Variants in ALX3 observed in about 807,000 individuals in gnomAD.
The protein encoded by ALX3 is homeobox protein aristaless-like 3.
A neutral mutation model predicts 26.3 loss-of-function variants in ALX3; 17 were observed. The ratio of observed to expected loss-of-function variants is 0.65; its 90% CI spans 0.44 to 0.97. The LOEUF (loss-of-function observed/expected upper bound fraction) is 0.97, where lower values mean the gene tolerates loss of function less well. Among genes scored for constraint, ALX3 ranks in the 50% least tolerant of loss-of-function variants. The pLI, the probability that ALX3 is intolerant of heterozygous loss-of-function variation, is 0.00. For missense variants in ALX3, 461 were observed against 466.5 expected (o/e 0.99, Z 0.11); for synonymous variants, 208 against 201.4 (o/e 1.03, Z -0.28).
In ALX3 at chr1:110,061,584, T is replaced by C. The variant is rs201353439; in HGVS notation, c.595-21A>G. 5.0e-6 allele frequency: 8 copies of C among 1,613,132 alleles called. No homozygotes were observed. In the Admixed American group the frequency reaches 6.7e-5, roughly 13 times the overall value. On this transcript the variant is annotated intron_variant, in intron 2 of 3. Coordinates refer to ENST00000647563, the MANE Select transcript of ALX3 (RefSeq NM_006492.3). ...CAGACCTGGGGGCAGGTTGTGGGGG[T>C]TTGAGGGGGTGATAGGGCAGCCCTG...
chr1:110,069,246 T>C (rs1044416625), intron 1 of ALX3, among the ~76,000 whole-genome samples: 3 of 152,304 alleles, frequency 2.0e-5, no homozygotes, highest in African/African-American at 7.2e-5. Context: ...CGCCCTCCCC[T>C]ACACATTCCC....
intron 1 of ALX3, among the ~76,000 whole-genome samples, chr1:110,069,650 G>A (rs1228848538): frequency 6.6e-6 from 1 of 152,258 alleles, no homozygotes; most frequent in Non-Finnish European, 1.5e-5. Flanking sequence ...TGCCAGAAGG[G>A]CGGCTATCAT....
chr1:110,068,693 T>C (rs1376505024), intron 1 of ALX3, among the ~76,000 whole-genome samples: 1 of 152,228 alleles, frequency 6.6e-6, no homozygotes, highest in African/African-American at 2.4e-5. Context: ...TTTTATTCGT[T>C]CGTTCCTCAT....
intron 1 of ALX3, among the ~76,000 whole-genome samples, chr1:110,069,986 G>C (rs1653878809): frequency 6.6e-6 from 1 of 152,178 alleles, no homozygotes; most frequent in African/African-American, 2.4e-5. Context: ...CTTCAGGGTA[G>C]GTGGCAGTTC....
intron 1 of ALX3, among the ~76,000 whole-genome samples, chr1:110,067,462 G>A (rs909322413): frequency 6.6e-6 from 1 of 152,206 alleles, no homozygotes; most frequent in Non-Finnish European, 1.5e-5. Flanking sequence ...GCCTTTTAAC[G>A]TAGTAAAGGA....
chr1:110,063,451 G>T (rs1653702049), intron 2 of ALX3, among the ~76,000 whole-genome samples: 2 of 152,148 alleles, frequency 1.3e-5, no homozygotes, highest in African/African-American at 4.8e-5. Flanking sequence ...TCATCCTGTT[G>T]GATGCAGCCG....
chr1:110,067,521 C>T (rs894146211), intron 1 of ALX3, among the ~76,000 whole-genome samples: 3 of 152,234 alleles, frequency 2.0e-5, no homozygotes, highest in African/African-American at 7.2e-5. Flanking sequence ...CCTGAGCACC[C>T]CTCACCCGGA....
rs1359728812 is a variant in ALX3, at chr1:110,065,008, C to T, written c.278-105G>A. 8 of 1,134,072 alleles carry T rather than the reference C, an allele frequency of 7.1e-6. 1 individual carries two copies. In the Admixed American group the frequency reaches 1.1e-4, roughly 16 times the overall value. The allele number at this position is 1,134,072 out of a possible 1,614,324, so 70.3% of individuals were successfully genotyped here. A position where few individuals can be genotyped will look rare whatever the true frequency, so the allele number is the denominator to read the frequency against. On this transcript the variant is annotated intron_variant, in intron 1 of 3. Transcript: ENST00000647563. Reference sequence around the variant, plus strand: ...CATTGACGCCTCAGTCTCCGCCTCCCCCTTCCTTTCCCTTCCCTTCCTCCT... The same window carrying T: ...CATTGACGCCTCAGTCTCCGCCTCCTCCTTCCTTTCCCTTCCCTTCCTCCT...
At position 110,061,422 on chromosome 1, in the gene ALX3, G is replaced by A. The variant is rs2101794725; in HGVS notation, c.723+13C>T. ...CCTGCCAGGTCCTGGTTCAGGTAGG[G>A]CTGGGGTCTTACCTGAGGGTGGCTG... On this transcript the variant is annotated intron_variant, in intron 3 of 3. Transcript: ENST00000647563. The A allele has an allele frequency of 6.2e-7, 1 of 1,614,210 alleles. No homozygotes were observed.
chr1:110,060,824 G>C lies in ALX3; in HGVS notation c.941C>G (p.Pro314Arg), dbSNP rs1240732822. The change falls in exon 4 of 4, where the codon CCT becomes CGT. Residue 314 changes from proline to arginine, a missense_variant. Physicochemically the swap from Pro to Arg is moderately radical, Grantham distance 103 (BLOSUM62 -2). This residue lies in a region of ALX3 where 169 missense variants were observed against 178.0 expected (regional missense o/e 0.95). Coordinates refer to ENST00000647563, the MANE Select transcript of ALX3 (RefSeq NM_006492.3). ...PPTLGGHSFE[P>R]SSDGDYKSPS... ...AGACTTATAGTCACCATCTGAGGAA[G>C]GCTCAAAGCTGTGGCCCCCCAGGGT... The C allele has an allele frequency of 2.0e-5, 32 of 1,614,064 alleles. No homozygotes were observed. The highest frequency in any genetic ancestry group is 2.6e-5 in the Non-Finnish European group (31 of 1,180,010).
At chr1:110,062,468 T>C (rs1653672653) in intron 2 of ALX3, 1 of 152,196 alleles carries the variant, frequency 6.6e-6, no homozygotes, top group South Asian at 2.1e-4. Flanking sequence ...TATATATGTT[T>C]TGTATTTCTA....
chr1:110,067,868 G>A (rs1653826123), intron 1 of ALX3, among the ~76,000 whole-genome samples: 1 of 152,202 alleles, frequency 6.6e-6, no homozygotes, highest in Non-Finnish European at 1.5e-5. Context: ...TGGCCCAGAA[G>A]CCTCAGCCCG....
In ALX3 at chr1:110,060,841, C is replaced by T. The variant is rs762171706; in HGVS notation, c.924G>A (p.Gly308=). 80 of 1,613,892 alleles carry T rather than the reference C, an allele frequency of 5.0e-5. No homozygotes were observed. Among genetic ancestry groups the T allele is most frequent in the Non-Finnish European group, 6.7e-5 (79 of 1,180,006 alleles). ...CTGAGGAAGGCTCAAAGCTGTGGCCCCCCAGGGTGGGGGGAAAGCCATGGA... is the reference window on the plus strand; with the variant it reads ...CTGAGGAAGGCTCAAAGCTGTGGCCTCCCAGGGTGGGGGGAAAGCCATGGA... ...YSIHGFPPTL[G]GHSFEPSSDG... is the part of the protein sequence containing the mutation. Residue 308 remains glycine (G), a synonymous_variant, in exon 4 of 4, where the codon GGG becomes GGA. Transcript: ENST00000647563.
chr1:110,062,666 C>T (rs1653683803), intron 2 of ALX3: 5 of 142,920 alleles, frequency 3.5e-5, no homozygotes, highest in African/African-American at 1.1e-4. Context: ...TCTACCCCAG[C>T]TGGGATCAGG....
chr1:110,069,704 A>G (rs983209708), intron 1 of ALX3, among the ~76,000 whole-genome samples: 1 of 152,190 alleles, frequency 6.6e-6, no homozygotes, highest in Non-Finnish European at 1.5e-5. Flanking sequence ...AGAAATAAGA[A>G]TACAGTTATT....
chr1:110,064,568 A>G lies in ALX3; in HGVS notation c.594+19T>C, dbSNP rs780197581. 5.6e-6 allele frequency: 9 copies of G among 1,613,584 alleles called. No individual in the cohort carries two copies. Among genetic ancestry groups the G allele is most frequent in the Non-Finnish European group, 1.7e-6 (2 of 1,179,920 alleles). ...GTGATAGGGGCAGCCAGAGAGCCCC[A>G]TCCTTGCAGTGCCCTCACCTGTACC... On this transcript the variant is annotated intron_variant, in intron 2 of 3. Transcript: ENST00000647563.
chr1:110,062,437 T>G (rs1653671798), intron 2 of ALX3: 1 of 152,278 alleles, frequency 6.6e-6, no homozygotes, highest in Non-Finnish European at 1.5e-5. Flanking sequence ...GTGCTGTGAC[T>G]GTTACATTTA....
chr1:110,061,447 G>A lies in ALX3; in HGVS notation c.711C>T (p.Asp237=). ...GCTGGGGTCTTACCTGAGGGTGGCT[G>A]TCAGTACGGGGCAGCACAGAGATGT... ...AYDISVLPRT[D]SHPQLQNSLW... is the part of the protein sequence containing the mutation. The change falls in exon 3 of 4, where the codon GAC becomes GAT. Residue 237 remains aspartate (D), a synonymous_variant. Coordinates refer to ENST00000647563, the MANE Select transcript of ALX3 (RefSeq NM_006492.3). The A allele has an allele frequency of 6.2e-7, 1 of 1,614,238 alleles. No homozygotes were observed. Among genetic ancestry groups the A allele is most frequent in the Non-Finnish European group, 8.5e-7 (1 of 1,180,032 alleles).
intron 2 of ALX3, among the ~76,000 whole-genome samples, chr1:110,064,169 T>C (rs1653722640): frequency 1.3e-5 from 2 of 152,166 alleles, no homozygotes; most frequent in South Asian, 2.1e-4. Context: ...CCCTGATGTG[T>C]GTTCAGCACT....
Sources: allele counts gnomAD v4.1 joint callset (sites outside exome capture counted in the v4.1 genomes callset), GRCh38; gene constraint gnomAD v4.1.1; regional missense constraint gnomAD v4.1.1; transcripts MANE v1.5; gene names NCBI Gene and HGNC (gene_info 2026-07-23, HGNC 2026-07-21).